PPP2R2C: variants seen among roughly 807,000 people sequenced by gnomAD.
PPP2R2C encodes the protein protein phosphatase 2 regulatory subunit Bgamma.
In PPP2R2C, 10 loss-of-function variants were observed where a neutral mutation model predicts 45.3. The ratio of observed to expected loss-of-function variants is 0.22; its 90% CI spans 0.14 to 0.37. PPP2R2C has a LOEUF of 0.37. Among genes scored for constraint, PPP2R2C ranks in the 10% least tolerant of loss-of-function variants. PPP2R2C has a pLI of 1.00. For synonymous variants in PPP2R2C, 257 were observed against 245.4 expected (o/e 1.05, Z -0.44); for missense variants, 308 against 619.7 (o/e 0.50, Z 5.34).
intron 2 of PPP2R2C, among the ~76,000 whole-genome samples, chr4:6,491,069 T>C (rs1380052121): frequency 2.0e-5 from 3 of 152,212 alleles, no homozygotes; most frequent in African/African-American, 4.8e-5. Context: ...GGCCCTGCTC[T>C]GTGTCACTCA....
Position 6,472,288 on chromosome 4 carries a change from A to G in PPP2R2C, c.-59T>C. 4 of 1,602,650 alleles carry G rather than the reference A, an allele frequency of 2.5e-6. No homozygotes were observed. The highest frequency in any genetic ancestry group is 3.4e-6 in the Non-Finnish European group (4 of 1,174,796). ...GCCGCCACACACCGATGCAATCCGC[A>G]GAGGTCGCGCCGGGCGCGCGGGCCA... is the stretch of plus-strand genomic sequence containing the variant. On this transcript the variant is annotated 5_prime_UTR_variant, in exon 1 of 9. Transcript: ENST00000382599.
At position 6,345,827 on chromosome 4, in the gene PPP2R2C, C is replaced by T. The variant is rs905569477; in HGVS notation, c.790+2019G>A. Among the ~76,000 whole-genome samples the T allele has an allele frequency of 6.6e-6, 1 of 152,208 alleles. No individual in the cohort carries two copies. The highest frequency in any genetic ancestry group is 3.2e-3 in the Middle Eastern group (1 of 316). Reference sequence around the variant, plus strand: ...CCCGAGCCCCCTGCACCCCGGGAATCTCAGCTGGTCTCCAGCCTCCCATCA... The same window carrying T: ...CCCGAGCCCCCTGCACCCCGGGAATTTCAGCTGGTCTCCAGCCTCCCATCA... On this transcript the variant is annotated intron_variant, in intron 6 of 8. Transcript: ENST00000382599. This position sits in a 1 kb window ranked among gnomAD's most constrained non-coding sequence, Gnocchi z 5.3.
chr4:6,493,239 G>A (rs999553846), intron 2 of PPP2R2C, among the ~76,000 whole-genome samples: 6 of 151,816 alleles, frequency 4.0e-5, no homozygotes, highest in Admixed American at 2.0e-4. Context: ...ACACGCACGC[G>A]CGCGCACATA....
intron 6 of PPP2R2C, among the ~76,000 whole-genome samples, chr4:6,341,230 T>C (rs997926387): frequency 6.6e-6 from 1 of 151,030 alleles, no homozygotes; most frequent in African/African-American, 2.4e-5. Flanking sequence ...TCCCATCTAC[T>C]GAGGAGGCTG....
chr4:6,372,434 C>T, intron 5 of PPP2R2C, 89 bp downstream of exon 5: 1 of 1,413,620 alleles, frequency 7.1e-7, no homozygotes, highest in Non-Finnish European at 9.8e-7. Flanking sequence ...CATCCCCAAA[C>T]CAGCTGTCTG....
At chr4:6,387,894 C>T (rs1716338856) in intron 1 of PPP2R2C, among the ~76,000 whole-genome samples, 1 of 152,058 alleles carries the variant, frequency 6.6e-6, no homozygotes, top group Non-Finnish European at 1.5e-5. Context: ...CAGAACAATC[C>T]CATCGACCAA....
In PPP2R2C at chr4:6,348,575, G is replaced by A. The variant is rs1041515641; in HGVS notation, c.626-565C>T. On this transcript the variant is annotated intron_variant, in intron 5 of 8. Coordinates refer to ENST00000382599, the MANE Select transcript of PPP2R2C (RefSeq NM_020416.4). ...GTATGGAGATTCTCCTTTGGGCAAA[G>A]GTTCTTCTGGGTTTCTGGGTCGGCC... The A allele has an allele frequency of 3.3e-6, 3 of 906,306 alleles. No homozygotes were observed. The African/African-American group carries it at 5.4e-5, about 16-fold the overall frequency. The allele number at this position is 906,306 out of a possible 1,614,324, so 56.1% of individuals were successfully genotyped here.
chr4:6,374,025 T>C (rs972986922), intron 4 of PPP2R2C, among the ~76,000 whole-genome samples: 15 of 20,344 alleles, frequency 7.4e-4, no homozygotes, highest in Non-Finnish European at 1.8e-3. Flanking sequence ...TGGGAGTTGG[T>C]GTTAGTGTGA....
rs1732361517 is a variant in PPP2R2C at position 6,330,978 on chromosome 4, G to T, written c.961-1625C>A. On this transcript the variant is annotated intron_variant, in intron 7 of 8. Coordinates refer to ENST00000382599, the MANE Select transcript of PPP2R2C (RefSeq NM_020416.4). This position sits in a 1 kb window ranked among gnomAD's most constrained non-coding sequence, Gnocchi z 7.0. ...TTCCTGTCTGTCTGGGACCCTCGAG[G>T]GTGAGGCCGAGGTTCTTCCTTCTCT... Among the ~76,000 whole-genome samples the T allele has an allele frequency of 6.6e-6, 1 of 152,154 alleles. No individual in the cohort carries two copies. Among genetic ancestry groups the T allele is most frequent in the Admixed American group, 6.5e-5 (1 of 15,284 alleles).
chr4:6,462,381 A>T (rs796066400), intron 1 of PPP2R2C, among the ~76,000 whole-genome samples: 25 of 152,342 alleles, frequency 1.6e-4, no homozygotes, highest in African/African-American at 4.6e-4. Context: ...CAGGATGCTG[A>T]GGCAGGAGAA....
intron 2 of PPP2R2C, among the ~76,000 whole-genome samples, chr4:6,478,753 TC>T (rs1440656454): frequency 1.3e-5 from 2 of 152,138 alleles, no homozygotes; most frequent in East Asian, 3.9e-4. Flanking sequence ...TGAATGACCC[TC>T]CAAAACGCAG....
At chr4:6,409,817 C>T (rs1239471938) in intron 1 of PPP2R2C, among the ~76,000 whole-genome samples, 1 of 152,200 alleles carries the variant, frequency 6.6e-6, no homozygotes, top group East Asian at 1.9e-4. Context: ...CCCCGCTCCC[C>T]AAACATGCGG....
intron 1 of PPP2R2C, chr4:6,381,382 C>T (rs1355857027): frequency 6.8e-7 from 1 of 1,469,230 alleles, no homozygotes; most frequent in East Asian, 2.8e-5. Flanking sequence ...ACTGGACACT[C>T]TATGGGACTC....
At chr4:6,448,736 C>T (rs1427064926) in intron 1 of PPP2R2C, among the ~76,000 whole-genome samples, 1 of 152,122 alleles carries the variant, frequency 6.6e-6, no homozygotes, top group African/African-American at 2.4e-5. Flanking sequence ...GAATCGTCAC[C>T]CGCAAGCCCC....
At chr4:6,528,562 G>A (rs1265102577) in intron 2 of PPP2R2C, among the ~76,000 whole-genome samples, 1 of 152,018 alleles carries the variant, frequency 6.6e-6, no homozygotes, top group African/African-American at 2.4e-5. Flanking sequence ...GGGAGACTCA[G>A]GAACAGATCT....
In PPP2R2C at chr4:6,561,718, T is replaced by G. The variant is rs542704503; in HGVS notation, c.-59+1842A>C. Among the ~76,000 whole-genome samples, 3 of 152,106 alleles carry G rather than the reference T, an allele frequency of 2.0e-5. No homozygotes were observed. The South Asian group carries it at 6.2e-4, about 32-fold the overall frequency. ...ACAGACACACCCACAGATACATACA[T>G]GGATACATACACACACTGGCGTTTA... On this transcript the variant is annotated intron_variant, in intron 1 of 9. Transcript: ENST00000506140.
chr4:6,372,302 G>A (rs1176311297), intron 5 of PPP2R2C, among the ~76,000 whole-genome samples: 3 of 152,242 alleles, frequency 2.0e-5, no homozygotes, highest in African/African-American at 7.2e-5. Context: ...GGCGATGGGT[G>A]CAATGCTCAG....
At chr4:6,535,096 C>A (rs946981603) in intron 2 of PPP2R2C, among the ~76,000 whole-genome samples, 1 of 152,128 alleles carries the variant, frequency 6.6e-6, no homozygotes, top group Non-Finnish European at 1.5e-5. Context: ...AGGGCCCAGG[C>A]GGCAGGAGCC....
intron 2 of PPP2R2C, among the ~76,000 whole-genome samples, chr4:6,526,996 A>C (rs904687443): frequency 6.6e-6 from 1 of 152,108 alleles, no homozygotes; most frequent in Non-Finnish European, 1.5e-5. Context: ...AGGATCCCAA[A>C]GAGTGGGAGA....
Sources: allele counts gnomAD v4.1 joint callset (sites outside exome capture counted in the v4.1 genomes callset), GRCh38; gene constraint gnomAD v4.1.1; non-coding constraint Gnocchi (gnomAD v3.1); transcripts MANE v1.5; gene names NCBI Gene and HGNC (gene_info 2026-07-23, HGNC 2026-07-21).